LMNTD1: variants seen among roughly 807,000 people sequenced by gnomAD.
LMNTD1 encodes lamin tail domain-containing protein 1.
Under a neutral mutation model 50.9 loss-of-function variants are expected in LMNTD1, and 35 were observed. The observed-to-expected ratio is 0.69, with a 90% confidence interval of 0.53 to 0.91. The LOEUF is 0.91. LMNTD1 is among the 40% of genes least tolerant of loss of function. The pLI, the probability that LMNTD1 is intolerant of heterozygous loss-of-function variation, is 0.00. For synonymous variants in LMNTD1, 153 were observed against 161.9 expected, an observed-to-expected ratio of 0.94 and a Z score of 0.42; for missense variants, 470 against 475.5, an observed-to-expected ratio of 0.99 and a Z score of 0.11.
intron 1 of LMNTD1, among the ~76,000 whole-genome samples, chr12:25,561,774 C>G (rs183574457): frequency 2.5e-4 from 38 of 152,278 alleles, no homozygotes; most frequent in Admixed American, 7.2e-4. Context: ...CTGTGGGAGT[C>G]TAAGTCTCTT....
chr12:25,629,436 G>C (rs1216918663), intron 1 of LMNTD1, among the ~76,000 whole-genome samples: 1 of 152,194 alleles, frequency 6.6e-6, no homozygotes, highest in African/African-American at 2.4e-5. Flanking sequence ...GTCCTAATCA[G>C]CCCGAATCCA....
chr12:25,479,165 G>A (rs1046549674), intron 9 of LMNTD1, among the ~76,000 whole-genome samples: 2 of 152,208 alleles, frequency 1.3e-5, no homozygotes, highest in African/African-American at 4.8e-5. Flanking sequence ...GGAGCCCAAA[G>A]TGTACAGGTG....
intron 9 of LMNTD1, among the ~76,000 whole-genome samples, chr12:25,479,887 T>C (rs1036418612): frequency 6.6e-6 from 1 of 152,174 alleles, no homozygotes; most frequent in Non-Finnish European, 1.5e-5. Flanking sequence ...TGCTGGCAAA[T>C]TGGGCACTCA....
At chr12:25,593,654 A>G (rs868356253) in intron 1 of LMNTD1, among the ~76,000 whole-genome samples, 10 of 152,298 alleles carry the variant, frequency 6.6e-5, no homozygotes, top group Middle Eastern at 3.4e-3. Flanking sequence ...AGGTTCTTTA[A>G]CACCACCTAA....
At chr12:25,508,488 T>G (rs546883121) in intron 8 of LMNTD1, among the ~76,000 whole-genome samples, 1 of 152,192 alleles carries the variant, frequency 6.6e-6, no homozygotes, top group African/African-American at 2.4e-5. Flanking sequence ...CCTATGGGAT[T>G]GTATGAACAC....
intron 1 of LMNTD1, among the ~76,000 whole-genome samples, chr12:25,612,545 C>G (rs898365503): frequency 6.6e-6 from 1 of 152,060 alleles, no homozygotes; most frequent in Non-Finnish European, 1.5e-5. Context: ...AATGTAAACT[C>G]GCATCAGATC....
chr12:25,575,826 T>A (rs1405986675), intron 1 of LMNTD1, among the ~76,000 whole-genome samples: 1 of 152,202 alleles, frequency 6.6e-6, no homozygotes, highest in Non-Finnish European at 1.5e-5. Context: ...CTCCTAATGC[T>A]ATCCCTCCCT....
chr12:25,604,036 C>A (rs948865664), intron 1 of LMNTD1, among the ~76,000 whole-genome samples: 1 of 152,072 alleles, frequency 6.6e-6, no homozygotes, highest in Non-Finnish European at 1.5e-5. Flanking sequence ...AAAAGAACTG[C>A]ATGATTAAAA....
At chr12:25,535,891 A>G (rs1942545024) in intron 4 of LMNTD1, among the ~76,000 whole-genome samples, 1 of 152,160 alleles carries the variant, frequency 6.6e-6, no homozygotes, top group Admixed American at 6.5e-5. Context: ...AAAAATATAT[A>G]CCATGCTAAC....
rs183492913 is a variant in LMNTD1, at chr12:25,567,979, G to A, written c.59-21425C>T. On this transcript the variant is annotated intron_variant, in intron 1 of 7. Transcript: ENST00000445693. ...AGAAGCAACTGTGGAACTGGGTAAC[G>A]GGCAGAGGTTAGAGGGGTTTGGAGG... Among the ~76,000 whole-genome samples the A allele has an allele frequency of 2.6e-5, 4 of 152,258 alleles. No homozygotes were observed. In the East Asian group the frequency reaches 5.8e-4, roughly 22 times the overall value.
At chr12:25,631,795 A>C (rs934862906) in intron 1 of LMNTD1, among the ~76,000 whole-genome samples, 5 of 152,174 alleles carry the variant, frequency 3.3e-5, no homozygotes, top group African/African-American at 1.2e-4. Flanking sequence ...CCAAACCAAA[A>C]ATAAATCCCT....
intron 1 of LMNTD1, among the ~76,000 whole-genome samples, chr12:25,601,282 G>A (rs12579879): frequency 0.28 from 42,419 of 151,720 alleles, 7,451 homozygotes; most frequent in East Asian, 0.8. Flanking sequence ...AGAGTAGAAG[G>A]ACAGTTACCA....
In LMNTD1 at chr12:25,631,748, A is replaced by AC. The variant is rs565273347; in HGVS notation, c.58+16745dup. Among the ~76,000 whole-genome samples, 67 of 152,094 alleles carry AC rather than the reference A, an allele frequency of 4.4e-4. 1 individual carries two copies. In the South Asian group the frequency reaches 0.014, roughly 31 times the overall value. The stretch of plus-strand genomic sequence containing the variant: ...ATATGACAAAACAAGGCCCTTTGAC[A>AC]CCCCCCAAAAATCACACTAGTTCAT... On this transcript the variant is annotated intron_variant, in intron 1 of 7. Coordinates refer to the LMNTD1 transcript ENST00000445693.
intron 3 of LMNTD1, among the ~76,000 whole-genome samples, chr12:25,547,659 C>T (rs1026991137): frequency 2.0e-5 from 3 of 151,758 alleles, no homozygotes; most frequent in African/African-American, 7.2e-5. Context: ...TTTGGAATTA[C>T]ATTAGTTCAT....
intron 1 of LMNTD1, among the ~76,000 whole-genome samples, chr12:25,593,955 G>T (rs1170623195): frequency 6.6e-6 from 1 of 152,106 alleles, no homozygotes; most frequent in Non-Finnish European, 1.5e-5. Context: ...CATTGAACAA[G>T]CCAAAGAAAG....
chr12:25,605,121 T>G (rs908972359), intron 1 of LMNTD1, among the ~76,000 whole-genome samples: 5 of 152,222 alleles, frequency 3.3e-5, no homozygotes, highest in African/African-American at 1.2e-4. Flanking sequence ...TTTTTTCATG[T>G]GTTTTTTGGC....
chr12:25,579,711 C>T (rs1173044964), intron 1 of LMNTD1, among the ~76,000 whole-genome samples: 1 of 152,126 alleles, frequency 6.6e-6, no homozygotes, highest in African/African-American at 2.4e-5. Context: ...ATTGCTCAAG[C>T]CAAGAGCTTT....
At chr12:25,582,940 A>G (rs1945358735) in intron 1 of LMNTD1, among the ~76,000 whole-genome samples, 1 of 151,882 alleles carries the variant, frequency 6.6e-6, no homozygotes, top group Non-Finnish European at 1.5e-5. Context: ...CTTGACCTCC[A>G]GGGCTCAAAT....
At chr12:25,575,201 C>A (rs986772972) in intron 1 of LMNTD1, among the ~76,000 whole-genome samples, 12 of 152,084 alleles carry the variant, frequency 7.9e-5, no homozygotes, top group African/African-American at 2.9e-4. Flanking sequence ...GAAGCTGGGA[C>A]ACCCCACACC....
Sources: allele counts gnomAD v4.1 joint callset (sites outside exome capture counted in the v4.1 genomes callset), GRCh38; gene constraint gnomAD v4.1.1; transcripts MANE v1.5; gene names NCBI Gene and HGNC (gene_info 2026-07-23, HGNC 2026-07-21).